The following SPTB variants were observed in gnomAD, a reference collection of about 807,000 sequenced individuals.
SPTB encodes the protein spectrin beta, erythrocytic.
A neutral mutation model predicts 256.2 loss-of-function variants in SPTB; 45 were observed. That is an observed-to-expected ratio of 0.18 (90% CI 0.14 to 0.23). SPTB has a LOEUF of 0.23. Ranked by LOEUF, SPTB falls within the 10% of genes least tolerant of loss-of-function variation. The probability of loss-of-function intolerance (pLI) is 1.00; values close to 1 mark genes in which losing one functional copy is unlikely to be tolerated. For missense variants in SPTB, 2,715 were observed against 3,040.4 expected, an observed-to-expected ratio of 0.89 and a Z score of 2.52; for synonymous variants, 1,231 against 1,243.1, an observed-to-expected ratio of 0.99 and a Z score of 0.21.
Position 64,793,340 on chromosome 14 carries a change from C to T in SPTB, c.2323G>A (p.Glu775Lys), listed in dbSNP as rs551791156. The T allele has an allele frequency of 1.9e-5, 30 of 1,610,720 alleles. No individual in the cohort carries two copies. The East Asian group carries it at 3.1e-4, about 17-fold the overall frequency. The change falls in exon 14 of 36, where the codon GAA (glutamate) becomes AAA (lysine). Residue 775 changes from glutamate (E) to lysine (K), a missense_variant. Around this residue, in one of 4 missense-constraint regions of SPTB, gnomAD observed 2,239 missense variants for 2,384.4 expected, o/e 0.94. Transcript: ENST00000644917. This position sits in a 1 kb window ranked among gnomAD's most constrained non-coding sequence, Gnocchi z 7.0. ...LLSGEDVGQD[E>K]GATRALGKKH... is the part of the protein sequence containing the mutation. ...TTCCCCAGGGCCCGCGTGGCCCCTTCGTCCTGCCCCACATCTTCACCAGAG... is the reference window on the plus strand; with the variant it reads ...TTCCCCAGGGCCCGCGTGGCCCCTTTGTCCTGCCCCACATCTTCACCAGAG...
chr14:64,772,349 C>G lies in SPTB; in HGVS notation c.5553+231G>C, dbSNP rs994137981. On this transcript the variant is annotated intron_variant, in intron 26 of 35. Coordinates refer to ENST00000644917, the MANE Select transcript of SPTB (RefSeq NM_001355436.2). This position sits in a 1 kb window ranked among gnomAD's most constrained non-coding sequence, Gnocchi z 5.4. Reference sequence around the variant, plus strand: ...ACTGCACAACTGGAGAAACTGCAACCGTATAGTATTGTATGCATTGGCCTT... The same window carrying G: ...ACTGCACAACTGGAGAAACTGCAACGGTATAGTATTGTATGCATTGGCCTT... Among the ~76,000 whole-genome samples the G allele has an allele frequency of 6.6e-6, 1 of 152,328 alleles. No homozygotes were observed. The highest frequency in any genetic ancestry group is 2.1e-4 in the South Asian group (1 of 4,832).
intron 32 of SPTB, among the ~76,000 whole-genome samples, chr14:64,765,821 AGTGTGT>A (rs780515740): frequency 7.6e-6 from 1 of 131,944 alleles, no homozygotes; most frequent in Admixed American, 7.2e-5. Context: ...TGTGTGTGTG[AGTGTGT>A]GTGTGTGTGG....
chr14:64,780,842 G>GACAAAAACAGCATGGTATTGGT (rs1452920178), intron 20 of SPTB, among the ~76,000 whole-genome samples: 1 of 152,180 alleles, frequency 6.6e-6, no homozygotes, highest in African/African-American at 2.4e-5. Flanking sequence ...AGGCTACAGT[G>GACAAAAACAGCATGGTATTGGT]ACAAAAACAG....
intron 1 of SPTB, among the ~76,000 whole-genome samples, chr14:64,832,287 T>C (rs2083463100): frequency 6.6e-6 from 1 of 152,202 alleles, no homozygotes; most frequent in Non-Finnish European, 1.5e-5. Flanking sequence ...GCTTTTCAGG[T>C]CTTATCTTAC....
At chr14:64,848,418 G>A (rs1323678537) in intron 1 of SPTB, among the ~76,000 whole-genome samples, 1 of 152,054 alleles carries the variant, frequency 6.6e-6, no homozygotes, top group Non-Finnish European at 1.5e-5. Flanking sequence ...CAGATGTTCT[G>A]AGAGGATGAC....
At chr14:64,752,253 G>C (rs1297556832) in intron 33 of SPTB, 1 of 1,346,596 alleles carries the variant, frequency 7.4e-7, no homozygotes, top group East Asian at 4.6e-5. Flanking sequence ...AACAGACTCT[G>C]TTTCCTCCTC....
At chr14:64,829,766 G>T (rs1242366580) in intron 1 of SPTB, among the ~76,000 whole-genome samples, 2 of 152,114 alleles carry the variant, frequency 1.3e-5, no homozygotes, top group South Asian at 4.1e-4. Context: ...GTAAAATACA[G>T]TCATATGCCT....
intron 24 of SPTB, 84 bp from the exon 25 acceptor site, chr14:64,773,508 C>G (rs913802828): frequency 3.6e-6 from 5 of 1,399,978 alleles, no homozygotes; most frequent in Admixed American, 1.7e-5. Context: ...ATATGCCAAC[C>G]ACAGCCCCCT....
intron 32 of SPTB, among the ~76,000 whole-genome samples, chr14:64,765,998 GGTGTGTGCATATTT>G (rs1401972410): frequency 2.6e-4 from 39 of 150,580 alleles, no homozygotes; most frequent in East Asian, 2.6e-3. Context: ...GGATGGGTGT[GGTGTGTGCATATTT>G]GTGTGTGCAT....
At chr14:64,876,628 A>G (rs1004389326) in intron 1 of SPTB, among the ~76,000 whole-genome samples, 5 of 152,212 alleles carry the variant, frequency 3.3e-5, no homozygotes, top group South Asian at 2.1e-4. Flanking sequence ...CGTAATGTGT[A>G]TAACTATTGT....
At position 64,853,188 on chromosome 14, in the gene SPTB, C is replaced by T. The variant is rs527543380; in HGVS notation, c.-52+26604G>A. On this transcript the variant is annotated intron_variant, in intron 1 of 35. Transcript: ENST00000644917. This position sits in a 1 kb window ranked among gnomAD's most constrained non-coding sequence, Gnocchi z 4.3. ...CTGGGTGGAAATGCTTAACCTGAGG[C>T]TGGGTACCCAAGTCCTGAACCTGTG... Among the ~76,000 whole-genome samples the T allele has an allele frequency of 9.9e-4, 151 of 152,258 alleles. 1 individual carries two copies. Among genetic ancestry groups the T allele is most frequent in the Non-Finnish European group, 1.6e-3 (112 of 68,022 alleles).
At chr14:64,783,437 G>A (rs771069358) in intron 19 of SPTB, among the ~76,000 whole-genome samples, 12 of 152,128 alleles carry the variant, frequency 7.9e-5, no homozygotes, top group Non-Finnish European at 1.8e-4. Flanking sequence ...CCAGACCTCA[G>A]GTGATCCGCC....
At chr14:64,814,172 G>T (rs575764491) in intron 2 of SPTB, among the ~76,000 whole-genome samples, 25 of 152,316 alleles carry the variant, frequency 1.6e-4, no homozygotes, top group Admixed American at 3.9e-4. Context: ...AGCCGGGCAT[G>T]GTAGTGCATG....
At chr14:64,856,423 G>A (rs406811) in intron 1 of SPTB, among the ~76,000 whole-genome samples, 20 of 152,160 alleles carry the variant, frequency 1.3e-4, no homozygotes, top group Non-Finnish European at 8.8e-5. Flanking sequence ...GAACAGCTGA[G>A]CTGCCCCTGA....
At chr14:64,773,529 G>A in intron 24 of SPTB, 105 bp from the exon 25 acceptor site, 2 of 1,212,050 alleles carry the variant, frequency 1.7e-6, no homozygotes, top group Non-Finnish European at 2.4e-6. Context: ...GGCAGGGATA[G>A]GTAGGGAGTG....
rs567841527 is a variant in SPTB, at chr14:64,841,189, G to A, written c.-51-18044C>T. On this transcript the variant is annotated intron_variant, in intron 1 of 35. Transcript: ENST00000644917. The surrounding 1 kb of genome is among the most constrained non-coding windows in gnomAD (Gnocchi z 4.6). ...CCACTCTCCTTATCCCCATTTTATG[G>A]GTCAGGAAACTGAGGCTTAGAGGGT... Among the ~76,000 whole-genome samples the A allele has an allele frequency of 1.3e-5, 2 of 152,166 alleles. No homozygotes were observed. Among genetic ancestry groups the A allele is most frequent in the South Asian group, 2.1e-4 (1 of 4,810 alleles).
chr14:64,855,841 C>T (rs1594847600), intron 1 of SPTB, among the ~76,000 whole-genome samples: 2 of 152,222 alleles, frequency 1.3e-5, no homozygotes, highest in East Asian at 1.9e-4. Flanking sequence ...GAGCCTCTCT[C>T]GAGCCTCCAC....
chr14:64,858,442 A>G (rs1414187336), intron 1 of SPTB, among the ~76,000 whole-genome samples: 2 of 152,188 alleles, frequency 1.3e-5, no homozygotes, highest in Non-Finnish European at 2.9e-5. Flanking sequence ...TCGAGCAGGT[A>G]TGAAATGAGA....
At chr14:64,813,327 A>G (rs988413110) in intron 2 of SPTB, among the ~76,000 whole-genome samples, 5 of 152,170 alleles carry the variant, frequency 3.3e-5, no homozygotes, top group African/African-American at 1.2e-4. Context: ...GCTACAGGTA[A>G]AACTAGGAGG....
Sources: allele counts gnomAD v4.1 joint callset (sites outside exome capture counted in the v4.1 genomes callset), GRCh38; gene constraint gnomAD v4.1.1; regional missense constraint gnomAD v4.1.1; non-coding constraint Gnocchi (gnomAD v3.1); transcripts MANE v1.5; gene names NCBI Gene and HGNC (gene_info 2026-07-23, HGNC 2026-07-21).